The following NOSTRIN variants were observed in gnomAD, a reference collection of about 807,000 sequenced individuals.
NOSTRIN encodes the protein nitric oxide synthase trafficking.
A neutral mutation model predicts 59.0 loss-of-function variants in NOSTRIN; 63 were observed. The observed-to-expected ratio is 1.07, with a 90% confidence interval of 0.87 to 1.32. NOSTRIN has a LOEUF of 1.32. Among genes scored for constraint, NOSTRIN ranks in the 40% most tolerant of loss-of-function variants. NOSTRIN has a pLI of 0.00. For synonymous variants in NOSTRIN, 200 were observed against 165.4 expected (o/e 1.21, Z -1.61); for missense variants, 512 against 473.1 (o/e 1.08, Z -0.76).
chr2:168,844,726 C>T lies in NOSTRIN; in HGVS notation c.630+1609C>T, dbSNP rs142262592. On this transcript the variant is annotated intron_variant, in intron 8 of 15. Transcript: ENST00000317647. The stretch of plus-strand genomic sequence containing the variant: ...TCTACTAAAAATAGAAAAAATTAGC[C>T]GCGCGTGGTGGCGGGCGCCTGTTGT... Among the ~76,000 whole-genome samples the T allele has an allele frequency of 4.9e-4, 74 of 152,148 alleles. 1 individual carries two copies. The highest frequency in any genetic ancestry group is 1.7e-3 in the African/African-American group (70 of 41,504).
rs553477223 is a variant in NOSTRIN, at chr2:168,835,959, G to T, written c.504+1634G>T. ...CAGATTGAAAACCTTTGAAATAGTC[G>T]ATATCTTCTACAAAAGATGAGTCTC... On this transcript the variant is annotated intron_variant, in intron 7 of 15. Transcript: ENST00000317647. Among the ~76,000 whole-genome samples, 188 of 152,168 alleles carry T rather than the reference G, an allele frequency of 1.2e-3. 1 individual carries two copies. The highest frequency in any genetic ancestry group is 4.2e-3 in the African/African-American group (175 of 41,500).
At chr2:168,854,850 C>A (rs1688980426) in intron 10 of NOSTRIN, among the ~76,000 whole-genome samples, 1 of 152,168 alleles carries the variant, frequency 6.6e-6, no homozygotes, top group Admixed American at 6.5e-5. Context: ...CAAGGCCTAA[C>A]TAAATCATAA....
intron 2 of NOSTRIN, among the ~76,000 whole-genome samples, chr2:168,812,289 G>A (rs1436195770): frequency 5.3e-5 from 8 of 152,086 alleles, no homozygotes; most frequent in East Asian, 1.9e-4. Context: ...AGATAGCTCC[G>A]TAATAAGCAA....
chr2:168,843,077 C>T lies in NOSTRIN; in HGVS notation c.590C>T (p.Thr197Ile), dbSNP rs981474959. ...CAAAAAAACATGGCGGGTTATTCTACCAGACTGAAATGGGAAAACACACTA... is the reference window on the plus strand; with the variant it reads ...CAAAAAAACATGGCGGGTTATTCTATCAGACTGAAATGGGAAAACACACTA... ...YYQKNMAGYS[T>I]RLKWENTLEN... Residue 197 changes from threonine to isoleucine, a missense_variant, in exon 8 of 16, where the codon ACC becomes ATC. Thr to Ile is a moderately conservative substitution (Grantham distance 89). Transcript: ENST00000317647. 1.1e-6 allele frequency: 1 copy of T among 872,400 alleles called. No individual in the cohort carries two copies. The highest frequency in any genetic ancestry group is 1.6e-5 in the African/African-American group (1 of 61,408). 54.0% of individuals were successfully genotyped at this position (872,400 alleles called of 1,614,324 possible). A position where few individuals can be genotyped will look rare whatever the true frequency, so the allele number is the denominator to read the frequency against.
At chr2:168,786,784 C>G (rs1338877305) in intron 1 of NOSTRIN, 1 of 152,210 alleles carries the variant, frequency 6.6e-6, no homozygotes, top group Admixed American at 6.5e-5. Context: ...TGCTCTAAAA[C>G]TTGCCTCAGT....
chr2:168,817,863 G>C (rs1416165380), intron 2 of NOSTRIN, among the ~76,000 whole-genome samples: 1 of 152,196 alleles, frequency 6.6e-6, no homozygotes, highest in African/African-American at 2.4e-5. Context: ...CAATGACAGA[G>C]CTTCAATATG....
intron 10 of NOSTRIN, among the ~76,000 whole-genome samples, chr2:168,853,867 A>T (rs556450185): frequency 1.3e-5 from 2 of 152,128 alleles, no homozygotes; most frequent in Admixed American, 1.3e-4. Flanking sequence ...AAATAATATA[A>T]AGAAATATTT....
chr2:168,847,245 T>C (rs1375203084), intron 8 of NOSTRIN, among the ~76,000 whole-genome samples: 21 of 152,196 alleles, frequency 1.4e-4, no homozygotes, highest in Admixed American at 1.4e-3. Flanking sequence ...TACACATACC[T>C]AGACTGAAAT....
At chr2:168,859,095 T>C (rs1689284569) in intron 12 of NOSTRIN, 1 of 154,646 alleles carries the variant, frequency 6.5e-6, no homozygotes, top group Admixed American at 6.5e-5. Context: ...CAATTTCATT[T>C]GCGTCTATTG....
chr2:168,851,996 A>G (rs1454788269), intron 10 of NOSTRIN, among the ~76,000 whole-genome samples: 1 of 152,158 alleles, frequency 6.6e-6, no homozygotes, highest in East Asian at 1.9e-4. Flanking sequence ...TTGGTTGGAG[A>G]TATCATTTTC....
At chr2:168,802,555 A>C, upstream of NOSTRIN, 1 of 819,750 alleles carries the variant, frequency 1.2e-6, no homozygotes. Context: ...AGGCCCTTTG[A>C]ATCCCGGAAG....
At chr2:168,791,262 A>G (rs964935361) in intron 2 of NOSTRIN, among the ~76,000 whole-genome samples, 5 of 152,038 alleles carry the variant, frequency 3.3e-5, no homozygotes, top group African/African-American at 1.2e-4. Context: ...TTGTCCTTGC[A>G]ATAGTTTGCT....
intron 2 of NOSTRIN, among the ~76,000 whole-genome samples, chr2:168,819,860 G>T (rs558352601): frequency 1.3e-5 from 2 of 152,222 alleles, no homozygotes; most frequent in South Asian, 4.1e-4. Context: ...GACATTTGCT[G>T]TCAGAGTCCC....
rs771745688 is a variant in NOSTRIN at position 168,864,916 on chromosome 2, C to A, written c.1467C>A (p.Ala489=). ...SLNGKKGHFP[A]AYVEELPSNA... Reference sequence around the variant, plus strand: ...ATGGGAAAAAAGGCCATTTTCCTGCCGCTTATGTGGAGGAGTTACCTTCAA... The same window carrying A: ...ATGGGAAAAAAGGCCATTTTCCTGCAGCTTATGTGGAGGAGTTACCTTCAA... Residue 489 remains alanine, a synonymous_variant, in exon 16 of 16, where the codon GCC becomes GCA. Coordinates refer to ENST00000317647, the MANE Select transcript of NOSTRIN (RefSeq NM_001039724.4). 6.2e-7 allele frequency: 1 copy of A among 1,613,990 alleles called. No individual in the cohort carries two copies. Among genetic ancestry groups the A allele is most frequent in the Non-Finnish European group, 8.5e-7 (1 of 1,179,990 alleles).
intron 3 of NOSTRIN, among the ~76,000 whole-genome samples, chr2:168,826,130 T>A (rs994642020): frequency 6.6e-6 from 1 of 152,170 alleles, no homozygotes; most frequent in African/African-American, 2.4e-5. Flanking sequence ...TACGGTAATA[T>A]AAGACGTGTG....
exon 2 of NOSTRIN, chr2:168,788,032 A>G (rs1685250129): frequency 6.6e-6 from 1 of 152,156 alleles, no homozygotes; most frequent in Non-Finnish European, 1.5e-5. Flanking sequence ...TCAGCAAAGA[A>G]AATAGTGATA....
At chr2:168,838,723 A>G (rs143823706) in intron 7 of NOSTRIN, among the ~76,000 whole-genome samples, 42 of 151,928 alleles carry the variant, frequency 2.8e-4, no homozygotes, top group African/African-American at 9.9e-4. Context: ...CTCGAATCTG[A>G]GCATATCATT....
intron 7 of NOSTRIN, among the ~76,000 whole-genome samples, chr2:168,834,535 A>ACACACC (rs1228399035): frequency 6.7e-6 from 1 of 149,536 alleles, no homozygotes; most frequent in Non-Finnish European, 1.5e-5. Context: ...ACACACACAC[A>ACACACC]CACACACCAC....
intron 8 of NOSTRIN, chr2:168,850,689 G>C: frequency 1.7e-6 from 1 of 598,320 alleles, no homozygotes; most frequent in Admixed American, 3.0e-5. Flanking sequence ...AAGACAGGTG[G>C]ACCATCTGAG....
Sources: allele counts gnomAD v4.1 joint callset (sites outside exome capture counted in the v4.1 genomes callset), GRCh38; gene constraint gnomAD v4.1.1; transcripts MANE v1.5; gene names NCBI Gene and HGNC (gene_info 2026-07-23, HGNC 2026-07-21).